The following DLGAP1 variants were observed in gnomAD, a reference collection of about 807,000 sequenced individuals.
DLGAP1 encodes the protein disks large-associated protein 1.
A neutral mutation model predicts 90.8 loss-of-function variants in DLGAP1; 11 were observed. The observed-to-expected ratio is 0.12, with a 90% confidence interval of 0.08 to 0.20. The LOEUF is 0.20. Among genes scored for constraint, DLGAP1 ranks in the 10% least tolerant of loss-of-function variants. DLGAP1 has a pLI of 1.00. For synonymous variants in DLGAP1, 558 were observed against 540.7 expected (o/e 1.03, Z -0.44); for missense variants, 1,050 against 1,333.8 (o/e 0.79, Z 3.31).
chr18:3,797,851 A>G (rs150734693), intron 5 of DLGAP1, among the ~76,000 whole-genome samples: 122 of 152,220 alleles, frequency 8.0e-4, no homozygotes, highest in African/African-American at 2.7e-3. Context: ...TAGCTCCCAT[A>G]ATTTCCACGT....
intron 7 of DLGAP1, among the ~76,000 whole-genome samples, chr18:3,589,490 T>G (rs1264410752): frequency 1.3e-5 from 2 of 152,120 alleles, no homozygotes; most frequent in Admixed American, 6.5e-5. Flanking sequence ...TTTTAGAAAT[T>G]CTTTAAAACA....
At chr18:4,136,171 A>G (rs879677521) in intron 2 of DLGAP1, among the ~76,000 whole-genome samples, 1 of 152,016 alleles carries the variant, frequency 6.6e-6, no homozygotes, top group Non-Finnish European at 1.5e-5. Context: ...TAGATTCCAA[A>G]TCTTGGTTAT....
chr18:4,150,983 C>T (rs2076666510), intron 2 of DLGAP1, among the ~76,000 whole-genome samples, 197 bp downstream of exon 2: 1 of 152,116 alleles, frequency 6.6e-6, no homozygotes, highest in Non-Finnish European at 1.5e-5. Context: ...AGATTCTGTA[C>T]AGGTAGCTAG....
At chr18:4,223,767 C>T (rs1346349525) in intron 1 of DLGAP1, among the ~76,000 whole-genome samples, 1 of 151,946 alleles carries the variant, frequency 6.6e-6, no homozygotes, top group Non-Finnish European at 1.5e-5. Flanking sequence ...TTTCAGAATC[C>T]ACTACTATAA....
intron 4 of DLGAP1, among the ~76,000 whole-genome samples, chr18:3,850,423 T>C (rs1366806670): frequency 1.3e-5 from 2 of 152,080 alleles, no homozygotes; most frequent in African/African-American, 4.8e-5. Flanking sequence ...GATGTCGATT[T>C]AAAATATTAT....
At chr18:4,290,269 G>A (rs186256878) in intron 1 of DLGAP1, among the ~76,000 whole-genome samples, 37 of 152,276 alleles carry the variant, frequency 2.4e-4, no homozygotes, top group Non-Finnish European at 1.6e-4. Context: ...AAAAGAATAC[G>A]CATCAGGAGA....
At chr18:4,132,749 C>G (rs565389095) in intron 2 of DLGAP1, among the ~76,000 whole-genome samples, 12 of 152,248 alleles carry the variant, frequency 7.9e-5, no homozygotes, top group Admixed American at 3.3e-4. Context: ...AGGAAAACAA[C>G]AGAAAATGAA....
intron 1 of DLGAP1, among the ~76,000 whole-genome samples, chr18:4,415,737 C>A (rs910796706): frequency 1.1e-4 from 16 of 152,012 alleles, no homozygotes; most frequent in Non-Finnish European, 2.1e-4. Flanking sequence ...ACTCTCTGAA[C>A]CTTAGTGTTT....
At chr18:4,140,738 C>A (rs1166102663) in intron 2 of DLGAP1, among the ~76,000 whole-genome samples, 1 of 151,882 alleles carries the variant, frequency 6.6e-6, no homozygotes, top group Non-Finnish European at 1.5e-5. Flanking sequence ...GTGATAAAAT[C>A]CTTTGTCTTC....
chr18:4,139,911 T>C (rs1251092728), intron 2 of DLGAP1, among the ~76,000 whole-genome samples: 1 of 151,954 alleles, frequency 6.6e-6, no homozygotes, highest in Non-Finnish European at 1.5e-5. Flanking sequence ...GCTATTTTGA[T>C]ATAACTATAG....
At chr18:3,810,344 G>A (rs568422942) in intron 5 of DLGAP1, among the ~76,000 whole-genome samples, 1 of 152,190 alleles carries the variant, frequency 6.6e-6, no homozygotes, top group East Asian at 1.9e-4. Context: ...AGATGCCTTC[G>A]GAAAATAGAA....
chr18:3,920,220 G>A (rs2072236066), intron 3 of DLGAP1, among the ~76,000 whole-genome samples: 1 of 152,026 alleles, frequency 6.6e-6, no homozygotes, highest in South Asian at 2.1e-4. Context: ...GTGCATGCCT[G>A]TAGTCCTAGC....
intron 3 of DLGAP1, among the ~76,000 whole-genome samples, chr18:4,000,017 G>T (rs2074149771): frequency 6.6e-6 from 1 of 152,110 alleles, no homozygotes; most frequent in Non-Finnish European, 1.5e-5. Context: ...TTCTCACTTT[G>T]TTGCCCAGGC....
At chr18:4,320,299 T>C (rs1389482766) in intron 1 of DLGAP1, among the ~76,000 whole-genome samples, 2 of 152,228 alleles carry the variant, frequency 1.3e-5, no homozygotes, top group Non-Finnish European at 2.9e-5. Flanking sequence ...GCCCATTTGA[T>C]GAGTTCCCTT....
At chr18:3,755,297 T>C (rs930809494) in intron 5 of DLGAP1, among the ~76,000 whole-genome samples, 1 of 151,926 alleles carries the variant, frequency 6.6e-6, no homozygotes, top group Non-Finnish European at 1.5e-5. Flanking sequence ...ATAGAAATAA[T>C]TATATTACAT....
intron 3 of DLGAP1, among the ~76,000 whole-genome samples, chr18:3,965,919 C>G (rs1022680562): frequency 2.9e-5 from 4 of 136,252 alleles, no homozygotes; most frequent in African/African-American, 1.1e-4. Context: ...CTGCACTGGG[C>G]GACCGGGTAA....
chr18:3,574,699 G>T (rs915194476), intron 8 of DLGAP1, among the ~76,000 whole-genome samples: 1 of 151,968 alleles, frequency 6.6e-6, no homozygotes, highest in East Asian at 1.9e-4. Context: ...AGTCTTCAAG[G>T]CTTAAATGTT....
chr18:3,772,389 TTTCTTTCTTTC>T (rs2064703562), intron 5 of DLGAP1, among the ~76,000 whole-genome samples: 2 of 24,282 alleles, frequency 8.2e-5, no homozygotes, highest in Admixed American at 5.2e-4. Flanking sequence ...TCTTTCTTTC[TTTCTTTCTTTC>T]TTTCTTTCTC....
intron 7 of DLGAP1, among the ~76,000 whole-genome samples, chr18:3,616,883 T>G (rs1231831962): frequency 6.6e-6 from 1 of 152,176 alleles, no homozygotes; most frequent in Non-Finnish European, 1.5e-5. Context: ...CTGCATGACC[T>G]CTGAGGCTAG....
Sources: allele counts gnomAD v4.1 joint callset (sites outside exome capture counted in the v4.1 genomes callset), GRCh38; gene constraint gnomAD v4.1.1; transcripts MANE v1.5; gene names NCBI Gene and HGNC (gene_info 2026-07-23, HGNC 2026-07-21).